ZC3H14: variants seen among roughly 807,000 people sequenced by gnomAD.
The protein encoded by ZC3H14 is zinc finger CCCH domain-containing protein 14.
ZC3H14 carries 31 observed loss-of-function variants against 92.4 expected under a neutral mutation model. The ratio of observed to expected loss-of-function variants is 0.34; its 90% confidence interval spans 0.25 to 0.45. The LOEUF (loss-of-function observed/expected upper bound fraction) is 0.45, where lower values mean the gene tolerates loss of function less well. Among genes scored for constraint, ZC3H14 ranks in the 20% least tolerant of loss-of-function variants. The pLI, the probability that ZC3H14 is intolerant of heterozygous loss-of-function variation, is 1.00. For missense variants in ZC3H14, 781 were observed against 897.3 expected, an observed-to-expected ratio of 0.87 and a Z score of 1.66; for synonymous variants, 321 against 300.9, an observed-to-expected ratio of 1.07 and a Z score of -0.69.
At chr14:88,582,012 A>G (rs913069732) in intron 9 of ZC3H14, among the ~76,000 whole-genome samples, 1 of 152,232 alleles carries the variant, frequency 6.6e-6, no homozygotes, top group African/African-American at 2.4e-5. Flanking sequence ...GTGCCTATTC[A>G]TGTATGTATT....
chr14:88,606,151 G>A (rs558020155), intron 12 of ZC3H14, among the ~76,000 whole-genome samples: 2 of 152,214 alleles, frequency 1.3e-5, no homozygotes, highest in Non-Finnish European at 2.9e-5. Flanking sequence ...GCCTGTAGCT[G>A]TAATTTTACT....
chr14:88,588,545 A>AT (rs369572887), intron 9 of ZC3H14, among the ~76,000 whole-genome samples: 1 of 150,774 alleles, frequency 6.6e-6, no homozygotes, highest in Admixed American at 6.6e-5. Context: ...AATACCTGGG[A>AT]TTTTTTTCTC....
rs1377387866 is a variant in ZC3H14 at position 88,623,587 on chromosome 14, T to A, written c.*11836T>A. 1 of 152,066 alleles carries A rather than the reference T, an allele frequency of 6.6e-6. No homozygotes were observed. 9.4% of individuals were successfully genotyped at this position (152,066 alleles called of 1,614,324 possible). A position where few individuals can be genotyped will look rare whatever the true frequency, so the allele number is the denominator to read the frequency against. Reference sequence around the variant, plus strand: ...AGGCACCATGCCTGGCTAATTTTTGTATTTTTAGTAGAGATGGAGTTTCAC... The same window carrying A: ...AGGCACCATGCCTGGCTAATTTTTGAATTTTTAGTAGAGATGGAGTTTCAC... On this transcript the variant is annotated 3_prime_UTR_variant, in exon 17 of 17. Coordinates refer to ENST00000251038, the MANE Select transcript of ZC3H14 (RefSeq NM_024824.5).
At chr14:88,603,204 C>T in intron 12 of ZC3H14, 144 bp downstream of exon 12, 1 of 817,902 alleles carries the variant, frequency 1.2e-6, no homozygotes, top group East Asian at 2.7e-5. Flanking sequence ...CAGACAAACC[C>T]ACCAAGTACA....
chr14:88,592,929 T>A (rs1001882228), intron 9 of ZC3H14, among the ~76,000 whole-genome samples: 3 of 152,046 alleles, frequency 2.0e-5, no homozygotes, highest in Non-Finnish European at 4.4e-5. Flanking sequence ...TTAAGGACCT[T>A]ACAAGATTTT....
intron 9 of ZC3H14, chr14:88,590,291 C>G (rs527482857): frequency 6.6e-6 from 1 of 152,436 alleles, no homozygotes; most frequent in East Asian, 1.9e-4. Flanking sequence ...TAAATTAGAT[C>G]ATGCTACTTT....
At chr14:88,591,083 A>G (rs1300207444) in intron 9 of ZC3H14, 3 of 152,204 alleles carry the variant, frequency 2.0e-5, no homozygotes, top group Non-Finnish European at 4.4e-5. Flanking sequence ...TTAAGTATGT[A>G]TACCAATATA....
rs756134753 is a variant in ZC3H14, at chr14:88,616,233, T to A, written c.*4482T>A. 311 of 1,613,752 alleles carry A rather than the reference T, an allele frequency of 1.9e-4. No homozygotes were observed. The highest frequency in any genetic ancestry group is 2.5e-4 in the Non-Finnish European group (295 of 1,179,758). ...TGGGGCGAATGACCCAAGAACCTTTTGTGTTTTGCCTAAAAAACAATGACA... is the reference window on the plus strand; with the variant it reads ...TGGGGCGAATGACCCAAGAACCTTTAGTGTTTTGCCTAAAAAACAATGACA... On this transcript the variant is annotated 3_prime_UTR_variant, in exon 17 of 17. Transcript: ENST00000251038.
chr14:88,579,848 T>TA (rs1840481198), intron 9 of ZC3H14, among the ~76,000 whole-genome samples: 1 of 151,848 alleles, frequency 6.6e-6, no homozygotes, highest in African/African-American at 2.4e-5. Context: ...CAAAAAGAAA[T>TA]ACAATTTCAA....
chr14:88,602,747 T>C (rs1409926137), intron 11 of ZC3H14, 81 bp from the exon 12 acceptor site: 1 of 1,427,410 alleles, frequency 7.0e-7, no homozygotes. Context: ...GGAGTGATAG[T>C]TCTGCTGAAG....
In ZC3H14 at chr14:88,568,539, GA is replaced by G. The variant is rs1365641936; in HGVS notation, c.194+387del. On this transcript the variant is annotated intron_variant, in intron 3 of 16. Transcript: ENST00000251038. ...AGAACTCGGGAACTCACTGTCTCTT[GA>G]GAACTCACTATCATGAGAACATCAT... Among the ~76,000 whole-genome samples, 5 of 152,274 alleles carry G rather than the reference GA, an allele frequency of 3.3e-5. No individual in the cohort carries two copies. In the East Asian group the frequency reaches 9.7e-4, roughly 30 times the overall value.
At chr14:88,611,363 A>G (rs2086709520) in intron 16 of ZC3H14, among the ~76,000 whole-genome samples, 1 of 152,136 alleles carries the variant, frequency 6.6e-6, no homozygotes, top group African/African-American at 2.4e-5. Context: ...CCAAAGTACC[A>G]GGATTACAGG....
At chr14:88,609,954 C>T (rs2086278633) in intron 15 of ZC3H14, 151 bp downstream of exon 15, 1 of 845,814 alleles carries the variant, frequency 1.2e-6, no homozygotes, top group African/African-American at 1.7e-5. Context: ...ACTGAACCTC[C>T]ATCTGGCCCC....
intron 3 of ZC3H14, among the ~76,000 whole-genome samples, chr14:88,569,262 G>A (rs2080089797): frequency 6.6e-6 from 1 of 152,068 alleles, no homozygotes; most frequent in Admixed American, 6.6e-5. Context: ...TTTACAATGA[G>A]TTACCTTTAG....
At chr14:88,564,035 T>G (rs2079242618) in intron 2 of ZC3H14, among the ~76,000 whole-genome samples, 1 of 152,208 alleles carries the variant, frequency 6.6e-6, no homozygotes, top group Non-Finnish European at 1.5e-5. Context: ...ACTCCTGGGC[T>G]CAAGCAATTA....
intron 6 of ZC3H14, 45 bp from the exon 7 acceptor site, chr14:88,574,645 CTTG>C: frequency 1.2e-6 from 2 of 1,608,020 alleles, no homozygotes; most frequent in Non-Finnish European, 1.7e-6. Context: ...TGGTAGAACT[CTTG>C]TTATTTTCTG....
chr14:88,570,350 A>T (rs1343178281), intron 3 of ZC3H14, among the ~76,000 whole-genome samples: 1 of 152,188 alleles, frequency 6.6e-6, no homozygotes, highest in African/African-American at 2.4e-5. Flanking sequence ...CTGGGAAGGG[A>T]TGTAAGGCAA....
In ZC3H14 at chr14:88,626,699, A is replaced by T. The variant is rs767328593; in HGVS notation, c.*14948A>T. 3 of 837,086 alleles carry T rather than the reference A, an allele frequency of 3.6e-6. No individual in the cohort carries two copies. The highest frequency in any genetic ancestry group is 1.7e-5 in the African/African-American group (1 of 58,094). 51.9% of individuals were successfully genotyped at this position (837,086 alleles called of 1,614,324 possible). A position where few individuals can be genotyped will look rare whatever the true frequency, so the allele number is the denominator to read the frequency against. ...TCTGAAAGAACTAGATTTTTGAAAG[A>T]TGAAATATATGCTTGACCAGGGCAT... On this transcript the variant is annotated 3_prime_UTR_variant, in exon 17 of 17. Transcript: ENST00000251038.
chr14:88,595,952 G>C (rs991473279), intron 9 of ZC3H14, among the ~76,000 whole-genome samples: 2 of 152,126 alleles, frequency 1.3e-5, no homozygotes, highest in African/African-American at 2.4e-5. Flanking sequence ...AGCGCTGTGG[G>C]GGCTACAGAA....
Sources: allele counts gnomAD v4.1 joint callset (sites outside exome capture counted in the v4.1 genomes callset), GRCh38; gene constraint gnomAD v4.1.1; transcripts MANE v1.5; gene names NCBI Gene and HGNC (gene_info 2026-07-23, HGNC 2026-07-21).